LRRC7: variants seen among roughly 807,000 people sequenced by gnomAD.
LRRC7 encodes the protein leucine rich repeat containing 7.
LRRC7 carries 23 observed loss-of-function variants against 175.7 expected under a neutral mutation model. That is an observed-to-expected ratio of 0.13 (90% CI 0.09 to 0.19). LRRC7 has a LOEUF of 0.19. Among genes scored for constraint, LRRC7 ranks in the 10% least tolerant of loss-of-function variants. LRRC7 has a pLI of 1.00. For synonymous variants in LRRC7, 685 were observed against 680.9 expected (o/e 1.01, Z -0.09); for missense variants, 1,354 against 1,904.7 (o/e 0.71, Z 5.38).
intron 7 of LRRC7, among the ~76,000 whole-genome samples, chr1:69,900,035 C>A (rs759797502): frequency 3.9e-5 from 6 of 152,088 alleles, no homozygotes; most frequent in Non-Finnish European, 8.8e-5. Flanking sequence ...AATGTATATC[C>A]TTTTCTCATA....
chr1:69,634,547 A>G (rs929740421), intron 1 of LRRC7, among the ~76,000 whole-genome samples: 6 of 152,124 alleles, frequency 3.9e-5, no homozygotes, highest in Admixed American at 2.6e-4. Context: ...TACCTGATTT[A>G]TGGTTCTATT....
intron 7 of LRRC7, among the ~76,000 whole-genome samples, chr1:69,888,681 A>G (rs549507107): frequency 2.0e-5 from 3 of 152,284 alleles, no homozygotes; most frequent in African/African-American, 7.2e-5. Flanking sequence ...CCAAACACAG[A>G]AAGAAAAATA....
chr1:69,585,496 A>G (rs1646368841), intron 1 of LRRC7, among the ~76,000 whole-genome samples: 1 of 152,204 alleles, frequency 6.6e-6, no homozygotes, highest in African/African-American at 2.4e-5. Context: ...TACCATTTGC[A>G]TAGATCAGGC....
chr1:69,924,517 C>A (rs1203076318), intron 7 of LRRC7, among the ~76,000 whole-genome samples: 1 of 152,160 alleles, frequency 6.6e-6, no homozygotes, highest in African/African-American at 2.4e-5. Flanking sequence ...TCCTTCACGT[C>A]CCTTGTAAGT....
intron 24 of LRRC7, among the ~76,000 whole-genome samples, chr1:70,081,638 C>G (rs1307949626): frequency 6.6e-6 from 1 of 152,178 alleles, no homozygotes; most frequent in Non-Finnish European, 1.5e-5. Flanking sequence ...TAAATTGACA[C>G]TGGAAGAGTG....
chr1:69,861,853 A>C (rs1684393518), intron 7 of LRRC7, among the ~76,000 whole-genome samples: 1 of 152,204 alleles, frequency 6.6e-6, no homozygotes, highest in Non-Finnish European at 1.5e-5. Flanking sequence ...CTTGCAGTTC[A>C]AACAGAGACA....
At chr1:70,114,683 A>G (rs962003137) in intron 26 of LRRC7, among the ~76,000 whole-genome samples, 12 of 152,230 alleles carry the variant, frequency 7.9e-5, no homozygotes, top group African/African-American at 2.4e-4. Flanking sequence ...ATGAGAACCC[A>G]TCGTTAAACT....
chr1:69,764,693 G>A (rs1306339179), intron 3 of LRRC7, among the ~76,000 whole-genome samples: 1 of 151,352 alleles, frequency 6.6e-6, no homozygotes, highest in Non-Finnish European at 1.5e-5. Flanking sequence ...TCTCCTGTGG[G>A]TGGGTAGGTG....
intron 8 of LRRC7, among the ~76,000 whole-genome samples, chr1:69,941,533 TTAAAC>T (rs1240175316): frequency 1.3e-5 from 2 of 151,672 alleles, no homozygotes; most frequent in Non-Finnish European, 2.9e-5. Context: ...GGGTAAATCT[TTAAAC>T]TATAGCTAGA....
chr1:70,031,808 T>G (rs75572553), intron 18 of LRRC7, among the ~76,000 whole-genome samples: 14,213 of 151,352 alleles, frequency 0.094, 721 homozygotes, highest in Middle Eastern at 0.14. Context: ...TTTTTTTTCC[T>G]TTTTCTTTTG....
At chr1:69,595,035 A>C (rs1327941370) in intron 1 of LRRC7, among the ~76,000 whole-genome samples, 1 of 151,324 alleles carries the variant, frequency 6.6e-6, no homozygotes, top group African/African-American at 2.4e-5. Context: ...ACTGTTTACT[A>C]TATATCAGGC....
At chr1:70,065,228 T>C (rs751765223) in intron 23 of LRRC7, among the ~76,000 whole-genome samples, 3 of 152,022 alleles carry the variant, frequency 2.0e-5, no homozygotes, top group Non-Finnish European at 4.4e-5. Flanking sequence ...GCTTTTCTTT[T>C]AGTTCTTACT....
At chr1:69,880,443 G>A (rs1686483180) in intron 7 of LRRC7, among the ~76,000 whole-genome samples, 2 of 152,126 alleles carry the variant, frequency 1.3e-5, no homozygotes, top group African/African-American at 4.8e-5. Context: ...GGTTTTCCTA[G>A]GAGTTTTGGT....
chr1:69,672,161 G>A (rs1452090563), intron 1 of LRRC7, among the ~76,000 whole-genome samples: 1 of 151,936 alleles, frequency 6.6e-6, no homozygotes, highest in Non-Finnish European at 1.5e-5. Flanking sequence ...TGTGTAGATA[G>A]TTGTTAAATT....
At chr1:69,942,347 A>G (rs1008501620) in intron 8 of LRRC7, among the ~76,000 whole-genome samples, 1 of 152,136 alleles carries the variant, frequency 6.6e-6, no homozygotes, top group Non-Finnish European at 1.5e-5. Context: ...GGGGAAGCAA[A>G]ATAGAAATTC....
chr1:69,611,105 A>C (rs1012219232), intron 1 of LRRC7, among the ~76,000 whole-genome samples: 34 of 152,166 alleles, frequency 2.2e-4, no homozygotes, highest in South Asian at 4.1e-4. Context: ...TTAAACTTTA[A>C]GTTTCCCACT....
chr1:69,639,033 A>G (rs1653805695), intron 1 of LRRC7, among the ~76,000 whole-genome samples: 1 of 151,780 alleles, frequency 6.6e-6, no homozygotes, highest in Non-Finnish European at 1.5e-5. Context: ...TTTTAACTCA[A>G]ACTGAAACCC....
chr1:69,924,620 G>A (rs1330105361), intron 7 of LRRC7, among the ~76,000 whole-genome samples: 2 of 152,122 alleles, frequency 1.3e-5, no homozygotes, highest in Non-Finnish European at 2.9e-5. Flanking sequence ...TGGTGTATAA[G>A]AATGCTTGTG....
At chr1:69,720,620 AC>A in intron 2 of LRRC7, among the ~76,000 whole-genome samples, 1 of 48,072 alleles carries the variant, frequency 2.1e-5, no homozygotes, top group Middle Eastern at 9.6e-3. Flanking sequence ...TATCCTGGAA[AC>A]TTTCTGTGTT....
Sources: allele counts gnomAD v4.1 joint callset (sites outside exome capture counted in the v4.1 genomes callset), GRCh38; gene constraint gnomAD v4.1.1; transcripts MANE v1.5; gene names NCBI Gene and HGNC (gene_info 2026-07-23, HGNC 2026-07-21).